Variants in PIK3C3 observed in about 807,000 individuals in gnomAD.
PIK3C3 encodes the protein PI3-kinase type 3.
A neutral mutation model predicts 126.1 loss-of-function variants in PIK3C3; 95 were observed. The observed-to-expected ratio is 0.75, with a 90% confidence interval of 0.64 to 0.89. The LOEUF is 0.89. Ranked by LOEUF, PIK3C3 falls within the 40% of genes least tolerant of loss-of-function variation. The probability of loss-of-function intolerance (pLI) is 0.00; values close to 1 mark genes in which losing one functional copy is unlikely to be tolerated. For synonymous variants in PIK3C3, 374 were observed against 360.0 expected (o/e 1.04, Z -0.44); for missense variants, 829 against 1,063.2 (o/e 0.78, Z 3.06).
At chr18:42,080,426 T>C (rs1427976962) in intron 24 of PIK3C3, among the ~76,000 whole-genome samples, 1 of 150,776 alleles carries the variant, frequency 6.6e-6, no homozygotes, top group Non-Finnish European at 1.5e-5. Flanking sequence ...TTTCTCTGAG[T>C]AATAATGAAG....
chr18:41,992,146 T>C (rs150904568), intron 6 of PIK3C3, among the ~76,000 whole-genome samples: 2 of 152,216 alleles, frequency 1.3e-5, no homozygotes, highest in African/African-American at 4.8e-5. Context: ...TTCCTGAAAA[T>C]TGCTCATAAA....
At chr18:42,015,399 T>G in intron 11 of PIK3C3, 77 bp from the exon 12 acceptor site, 1 of 1,035,902 alleles carries the variant, frequency 9.7e-7, no homozygotes, top group Non-Finnish European at 1.5e-6. Context: ...TGAAGTGAAC[T>G]GTTCCATAAA....
intron 16 of PIK3C3, among the ~76,000 whole-genome samples, 185 bp downstream of exon 16, chr18:42,034,142 T>C (rs1199825522): frequency 6.6e-6 from 1 of 152,244 alleles, no homozygotes; most frequent in Non-Finnish European, 1.5e-5. Flanking sequence ...CTTCTTTTGT[T>C]ACCGGTACAT....
chr18:42,040,640 T>C, intron 18 of PIK3C3, 37 bp from the exon 19 acceptor site: 1 of 1,384,644 alleles, frequency 7.2e-7, no homozygotes, highest in Non-Finnish European at 1.0e-6. Flanking sequence ...TCTTAACCAG[T>C]AGCTATGCTT....
chr18:42,054,136 A>C (rs1280516226), intron 21 of PIK3C3, among the ~76,000 whole-genome samples: 3,026 of 12,182 alleles, frequency 0.25, 314 homozygotes, highest in South Asian at 0.32. Context: ...GTATATATAT[A>C]TATATATATA....
At chr18:42,005,937 C>G (rs1229575279) in intron 10 of PIK3C3, among the ~76,000 whole-genome samples, 1 of 151,102 alleles carries the variant, frequency 6.6e-6, no homozygotes, top group African/African-American at 2.4e-5. Flanking sequence ...CTAACCTCTA[C>G]TAGATTACAT....
Position 41,963,444 on chromosome 18 carries a change from G to T in PIK3C3, c.401+812G>T, listed in dbSNP as rs145110091. Among the ~76,000 whole-genome samples the T allele has an allele frequency of 4.3e-3, 661 of 152,114 alleles. 6 individuals are homozygous for T. Among genetic ancestry groups the T allele is most frequent in the Non-Finnish European group, 6.8e-3 (460 of 67,986 alleles). On this transcript the variant is annotated intron_variant, in intron 3 of 24. Coordinates refer to ENST00000262039, the MANE Select transcript of PIK3C3 (RefSeq NM_002647.4). ...TAATGCTCAAAAAATCTCATTTTTGGTCAGTAGGAGACCCTTCAAGTAGAC... is the reference window on the plus strand; with the variant it reads ...TAATGCTCAAAAAATCTCATTTTTGTTCAGTAGGAGACCCTTCAAGTAGAC...
At chr18:42,027,369 A>C in intron 13 of PIK3C3, 74 bp from the exon 14 acceptor site, 1 of 735,196 alleles carries the variant, frequency 1.4e-6, no homozygotes, top group Non-Finnish European at 2.3e-6. Context: ...TGTTTTAGTG[A>C]AATGATATGA....
In PIK3C3 at chr18:42,017,268, G is replaced by A. The variant is rs76457282; in HGVS notation, c.1416+1702G>A. On this transcript the variant is annotated intron_variant, in intron 12 of 24. Coordinates refer to ENST00000262039, the MANE Select transcript of PIK3C3 (RefSeq NM_002647.4). ...CATTCCTGTCTCCTTTTTGACACCT[G>A]AGCAGTATCTTATGTCCTTCCTCGT... Among the ~76,000 whole-genome samples the A allele has an allele frequency of 4.5e-3, 684 of 152,138 alleles. 3 individuals carry two copies. Among genetic ancestry groups the A allele is most frequent in the African/African-American group, 0.016 (654 of 41,528 alleles).
chr18:42,015,281 A>G (rs949752524), intron 11 of PIK3C3, among the ~76,000 whole-genome samples, 195 bp from the exon 12 acceptor site: 1 of 152,186 alleles, frequency 6.6e-6, no homozygotes, highest in African/African-American at 2.4e-5. Flanking sequence ...TAAATCTCCC[A>G]AGAGGCATTA....
At chr18:42,037,313 G>T (rs960351463) in intron 16 of PIK3C3, among the ~76,000 whole-genome samples, 1 of 152,184 alleles carries the variant, frequency 6.6e-6, no homozygotes, top group Non-Finnish European at 1.5e-5. Context: ...ATTAGGCATG[G>T]TGCCAGACTA....
At chr18:42,026,242 C>A (rs370197609) in intron 13 of PIK3C3, 18 of 152,238 alleles carry the variant, frequency 1.2e-4, no homozygotes, top group African/African-American at 4.1e-4. Flanking sequence ...ATTGATGAAG[C>A]AAGCAAGTTG....
chr18:41,970,574 T>A lies in PIK3C3; in HGVS notation c.531+118T>A, dbSNP rs574725686. On this transcript the variant is annotated intron_variant, in intron 4 of 24. Transcript: ENST00000262039. ...AAAAATCTAAATCTTAACTTTTAAA[T>A]AATTGTTTTATTGAGATATAATTCA... The A allele has an allele frequency of 9.2e-4, 828 of 899,816 alleles. 3 individuals are homozygous for A. Among genetic ancestry groups the A allele is most frequent in the Admixed American group, 1.4e-3 (71 of 52,350 alleles). 55.7% of individuals were successfully genotyped at this position (899,816 alleles called of 1,614,324 possible). A position where few individuals can be genotyped will look rare whatever the true frequency, so the allele number is the denominator to read the frequency against.
intron 17 of PIK3C3, 45 bp from the exon 18 acceptor site, chr18:42,038,736 A>T: frequency 8.3e-7 from 1 of 1,203,862 alleles, no homozygotes; most frequent in African/African-American, 1.5e-5. Flanking sequence ...CTGTCTTTTA[A>T]CAGTCTTTAC....
intron 21 of PIK3C3, chr18:42,051,135 T>C (rs578223502): frequency 3.3e-5 from 5 of 152,388 alleles, no homozygotes; most frequent in African/African-American, 9.6e-5. Flanking sequence ...ATCCTTGCTC[T>C]CCTAGAGCTT....
At chr18:42,049,974 A>AG (rs1491579806) in intron 21 of PIK3C3, 1 of 139,144 alleles carries the variant, frequency 7.2e-6, no homozygotes, top group Non-Finnish European at 1.5e-5. Flanking sequence ...ACGCCATCTT[A>AG]GAAAAAAAAA....
At chr18:42,004,682 T>G in intron 10 of PIK3C3, 141 bp downstream of exon 10, 1 of 627,874 alleles carries the variant, frequency 1.6e-6, no homozygotes, top group Non-Finnish European at 2.6e-6. Context: ...GAAGAGGATA[T>G]ACTAGGTGTA....
chr18:42,026,950 A>G (rs1459364888), intron 13 of PIK3C3: 1 of 152,236 alleles, frequency 6.6e-6, no homozygotes, highest in Non-Finnish European at 1.5e-5. Flanking sequence ...AAAACGGGAA[A>G]CTGGATGGGA....
Position 41,962,607 on chromosome 18 carries a change from A to G in PIK3C3, c.376A>G (p.Thr126Ala), listed in dbSNP as rs151123700. 40 of 1,611,754 alleles carry G rather than the reference A, an allele frequency of 2.5e-5. No homozygotes were observed. In the East Asian group the frequency reaches 8.5e-4, roughly 34 times the overall value. Residue 126 changes from threonine to alanine, a missense_variant, in exon 3 of 25, where the codon ACG becomes GCG. Transcript: ENST00000262039. The part of the protein sequence containing the change: ...PGKAVPVGGT[T>A]VSLFGKYGMF... ...AAAAGCAGTGCCTGTAGGAGGAACA[A>G]CGGTTTCGCTCTTTGGAAAATACGG...
Sources: gnomAD v4.1 joint callset for allele counts (sites outside exome capture counted in the v4.1 genomes callset) on GRCh38, gnomAD v4.1.1 for gene constraint, MANE v1.5 for transcripts, NCBI Gene and HGNC (gene_info 2026-07-23, HGNC 2026-07-21) for gene names.